Variants in CSMD1 observed in about 807,000 individuals in gnomAD.
The protein encoded by CSMD1 is CUB and sushi domain-containing protein 1.
A neutral mutation model predicts 417.5 loss-of-function variants in CSMD1; 213 were observed. That is an observed-to-expected ratio of 0.51 (90% confidence interval 0.46 to 0.57). The LOEUF (loss-of-function observed/expected upper bound fraction) is 0.57. Ranked by LOEUF, CSMD1 falls within the 20% of genes least tolerant of loss-of-function variation. The pLI, the probability that CSMD1 is intolerant of heterozygous loss-of-function variation, is 0.00. For missense variants in CSMD1, 6,923 were observed against 4,529.7 expected, an observed-to-expected ratio of 1.53 and a Z score of -15.17; for synonymous variants, 2,862 against 1,736.8, an observed-to-expected ratio of 1.65 and a Z score of -16.11.
chr8:4,175,401 T>G (rs749010756), intron 3 of CSMD1, among the ~76,000 whole-genome samples: 4 of 152,198 alleles, frequency 2.6e-5, no homozygotes, highest in Admixed American at 6.5e-5. Flanking sequence ...TTACCTGCGC[T>G]ATACTTTTAT....
At chr8:4,119,479 T>A (rs1212271125) in intron 3 of CSMD1, among the ~76,000 whole-genome samples, 5 of 152,196 alleles carry the variant, frequency 3.3e-5, no homozygotes, top group Non-Finnish European at 7.3e-5. Context: ...AACCCATTGG[T>A]TAAACTCGTA....
At chr8:4,795,400 T>C (rs1797922300) in intron 1 of CSMD1, among the ~76,000 whole-genome samples, 1 of 150,698 alleles carries the variant, frequency 6.6e-6, no homozygotes, top group Admixed American at 6.6e-5. Flanking sequence ...GCCTTCCGAG[T>C]AGCTGGGATT....
In CSMD1 at chr8:3,629,317, C is replaced by G. The variant is rs1007711156; in HGVS notation, c.1010-12520G>C. Among the ~76,000 whole-genome samples the G allele has an allele frequency of 3.8e-4, 39 of 102,386 alleles. 1 individual carries two copies. In the South Asian group the frequency reaches 0.011, roughly 30 times the overall value. The allele number at this position is 102,386 out of a possible 152,430, so 67.2% of individuals were successfully genotyped here. On this transcript the variant is annotated intron_variant, in intron 7 of 69. Coordinates refer to ENST00000635120, the MANE Select transcript of CSMD1 (RefSeq NM_033225.6). ...AGAGACTCTTACTTAATATTATTTTCTTTCACTGATGCATTCAGCTGACAT... is the reference window on the plus strand; with the variant it reads ...AGAGACTCTTACTTAATATTATTTTGTTTCACTGATGCATTCAGCTGACAT...
chr8:3,139,853 G>A (rs917706487), intron 41 of CSMD1, among the ~76,000 whole-genome samples: 2 of 151,832 alleles, frequency 1.3e-5, no homozygotes, highest in Admixed American at 6.6e-5. Context: ...GAGGTACCTA[G>A]AGCATAGGAT....
intron 1 of CSMD1, among the ~76,000 whole-genome samples, chr8:4,904,011 T>C (rs1178627300): frequency 6.6e-6 from 1 of 152,216 alleles, no homozygotes; most frequent in Non-Finnish European, 1.5e-5. Context: ...TGTATTTATT[T>C]CTTTTATTTT....
intron 3 of CSMD1, among the ~76,000 whole-genome samples, chr8:4,263,788 T>C (rs900342031): frequency 3.9e-5 from 6 of 152,222 alleles, no homozygotes; most frequent in African/African-American, 1.2e-4. Flanking sequence ...TTACTCCAAT[T>C]GTGACTGGCT....
intron 4 of CSMD1, among the ~76,000 whole-genome samples, chr8:3,998,521 T>C (rs1278590486): frequency 6.6e-6 from 1 of 152,228 alleles, no homozygotes; most frequent in Non-Finnish European, 1.5e-5. Context: ...TTGAGAATAC[T>C]GTGCTCTTAA....
At chr8:3,312,123 G>GAT (rs1370135486) in intron 23 of CSMD1, among the ~76,000 whole-genome samples, 1 of 152,024 alleles carries the variant, frequency 6.6e-6, no homozygotes, top group Non-Finnish European at 1.5e-5. Flanking sequence ...AAAGAAAAAA[G>GAT]ATGTATCCAT....
At chr8:4,104,847 T>G (rs535553366) in intron 3 of CSMD1, among the ~76,000 whole-genome samples, 1 of 152,192 alleles carries the variant, frequency 6.6e-6, no homozygotes, top group Non-Finnish European at 1.5e-5. Flanking sequence ...AGCCTCTGAG[T>G]GCTTAGCCTT....
chr8:3,456,136 T>C (rs1466424821), intron 12 of CSMD1, among the ~76,000 whole-genome samples: 1 of 152,206 alleles, frequency 6.6e-6, no homozygotes, highest in Non-Finnish European at 1.5e-5. Context: ...TCTCCTGGTG[T>C]GCCATTTGCT....
In CSMD1 at chr8:4,361,950, G is replaced by T. The variant is rs566981657; in HGVS notation, c.415+58003C>A. Among the ~76,000 whole-genome samples, 4 of 151,884 alleles carry T rather than the reference G, an allele frequency of 2.6e-5. No homozygotes were observed. In the East Asian group the frequency reaches 5.8e-4, roughly 22 times the overall value. ...AAGGCCCTCCAGCCTGGGCAACACA[G>T]CAAGACTCCATCTCAAAATAAATAA... On this transcript the variant is annotated intron_variant, in intron 3 of 69. Coordinates refer to ENST00000635120, the MANE Select transcript of CSMD1 (RefSeq NM_033225.6).
chr8:4,559,447 G>T (rs1177964502), intron 2 of CSMD1, among the ~76,000 whole-genome samples: 3 of 152,084 alleles, frequency 2.0e-5, no homozygotes, highest in African/African-American at 7.2e-5. Context: ...TAAAGAAGGG[G>T]TTAAAATATA....
intron 3 of CSMD1, among the ~76,000 whole-genome samples, chr8:4,117,296 G>C (rs911170127): frequency 6.6e-6 from 1 of 151,208 alleles, no homozygotes. Context: ...TGCGTGGCTG[G>C]CTGGTGGGAT....
chr8:4,360,246 G>C (rs1801674117), intron 3 of CSMD1, among the ~76,000 whole-genome samples: 1 of 152,058 alleles, frequency 6.6e-6, no homozygotes, highest in Admixed American at 6.6e-5. Context: ...TTGATTTCCT[G>C]ATGAACACAC....
intron 1 of CSMD1, among the ~76,000 whole-genome samples, chr8:4,990,369 A>T (rs1362688872): frequency 4.0e-5 from 6 of 150,400 alleles, no homozygotes; most frequent in Admixed American, 2.0e-4. Flanking sequence ...AGGGGTTCAC[A>T]TTTTTTTTTT....
chr8:4,167,726 A>T (rs1393809951), intron 3 of CSMD1, among the ~76,000 whole-genome samples: 1 of 152,202 alleles, frequency 6.6e-6, no homozygotes, highest in Non-Finnish European at 1.5e-5. Context: ...GCAGTGGTTC[A>T]CACCTGTAAT....
At chr8:4,366,454 C>A (rs915171828) in intron 3 of CSMD1, among the ~76,000 whole-genome samples, 3 of 152,190 alleles carry the variant, frequency 2.0e-5, no homozygotes, top group African/African-American at 4.8e-5. Flanking sequence ...AAAGGTGGGA[C>A]TGCTGGTTTA....
At chr8:3,190,808 T>G (rs1168830319) in intron 33 of CSMD1, among the ~76,000 whole-genome samples, 3 of 152,188 alleles carry the variant, frequency 2.0e-5, no homozygotes, top group South Asian at 2.1e-4. Context: ...CTATTTGTAA[T>G]AACACGGATG....
chr8:4,613,374 G>A (rs1194427329), intron 2 of CSMD1, among the ~76,000 whole-genome samples: 1 of 152,152 alleles, frequency 6.6e-6, no homozygotes. Context: ...CTGGCACACA[G>A]AGAAATCCTA....
Sources: gnomAD v4.1 joint callset for allele counts (sites outside exome capture counted in the v4.1 genomes callset) on GRCh38, gnomAD v4.1.1 for gene constraint, MANE v1.5 for transcripts, NCBI Gene and HGNC (gene_info 2026-07-23, HGNC 2026-07-21) for gene names.